Variants in LRRC1 observed in about 807,000 individuals in gnomAD.
The protein encoded by LRRC1 is leucine-rich repeat-containing protein 1.
Under a neutral mutation model 69.9 loss-of-function variants are expected in LRRC1, and 28 were observed. The observed-to-expected ratio is 0.40, with a 90% CI of 0.30 to 0.55. The LOEUF (loss-of-function observed/expected upper bound fraction) is 0.55, where lower values mean the gene tolerates loss of function less well. LRRC1 is among the 20% of genes least tolerant of loss of function. The pLI is 0.47. For synonymous variants in LRRC1, 236 were observed against 240.2 expected (o/e 0.98, Z 0.16); for missense variants, 498 against 609.0 (o/e 0.82, Z 1.92).
intron 1 of LRRC1, among the ~76,000 whole-genome samples, chr6:53,810,607 G>A (rs1286955959): frequency 6.6e-6 from 1 of 151,544 alleles, no homozygotes. Context: ...GCGACAGAGC[G>A]AGACTCCGTC....
intron 10 of LRRC1, chr6:53,905,309 G>A (rs1416429011): frequency 6.8e-6 from 1 of 146,712 alleles, no homozygotes; most frequent in Non-Finnish European, 1.5e-5. Flanking sequence ...ACTCCAGCCC[G>A]GGTGACAGAG....
intron 2 of LRRC1, among the ~76,000 whole-genome samples, chr6:53,878,751 A>G (rs1391091584): frequency 2.0e-5 from 3 of 152,234 alleles, no homozygotes; most frequent in South Asian, 2.1e-4. Flanking sequence ...ACTTACTCCT[A>G]TAGCTATAAT....
chr6:53,815,954 C>A (rs1211189557), intron 1 of LRRC1, among the ~76,000 whole-genome samples: 1 of 152,184 alleles, frequency 6.6e-6, no homozygotes, highest in Non-Finnish European at 1.5e-5. Context: ...GTAGGTTTAA[C>A]GAGTACCCAA....
rs543904287 is a variant in LRRC1, at chr6:53,842,584, G to A, written c.277+357G>A. On this transcript the variant is annotated intron_variant, in intron 2 of 13. Coordinates refer to ENST00000370888, the MANE Select transcript of LRRC1 (RefSeq NM_018214.5). Reference sequence around the variant, plus strand: ...TCTGATTCCTAGAGTTAGAGAGTGGGCTGGGCAATCATTTAACCTTGTCCA... The same window carrying A: ...TCTGATTCCTAGAGTTAGAGAGTGGACTGGGCAATCATTTAACCTTGTCCA... 2.6e-4 allele frequency among the ~76,000 whole-genome samples: 39 copies of A among 152,290 alleles called. 1 individual carries two copies. The highest frequency in any genetic ancestry group is 9.1e-4 in the African/African-American group (38 of 41,550).
chr6:53,817,016 T>C (rs978328042), intron 1 of LRRC1, among the ~76,000 whole-genome samples: 2 of 152,238 alleles, frequency 1.3e-5, no homozygotes, highest in Admixed American at 1.3e-4. Flanking sequence ...ATGATATTGA[T>C]GCCCTTTTAA....
chr6:53,846,596 T>A (rs1401563098), intron 2 of LRRC1, among the ~76,000 whole-genome samples: 3 of 152,176 alleles, frequency 2.0e-5, no homozygotes, highest in Admixed American at 6.5e-5. Context: ...TTTGTTTTTT[T>A]AAAACAGGCA....
intron 1 of LRRC1, 62 bp downstream of exon 1, chr6:53,795,477 C>T (rs1764267730): frequency 1.3e-6 from 2 of 1,495,764 alleles, no homozygotes; most frequent in Admixed American, 2.1e-5. Flanking sequence ...CCGCTCCCAT[C>T]CTCTCTCGTC....
intron 12 of LRRC1, among the ~76,000 whole-genome samples, chr6:53,920,011 A>G (rs969925463): frequency 1.2e-4 from 18 of 152,256 alleles, no homozygotes; most frequent in African/African-American, 4.3e-4. Context: ...CACCACTGGC[A>G]TACTGTTTTT....
At chr6:53,808,980 T>C (rs560015732) in intron 1 of LRRC1, among the ~76,000 whole-genome samples, 4 of 152,352 alleles carry the variant, frequency 2.6e-5, no homozygotes, top group African/African-American at 9.6e-5. Flanking sequence ...TCTTTGGTGC[T>C]GGATTTCCTA....
At chr6:53,852,976 A>G (rs1180522713) in intron 2 of LRRC1, among the ~76,000 whole-genome samples, 1 of 152,212 alleles carries the variant, frequency 6.6e-6, no homozygotes, top group Non-Finnish European at 1.5e-5. Flanking sequence ...AGGTGCTGGC[A>G]GATTCAGCGT....
In LRRC1 at chr6:53,900,020, G is replaced by GTT. The variant is rs869246243; in HGVS notation, c.787+161_787+162dup. 553 of 190,336 alleles carry GTT rather than the reference G, an allele frequency of 2.9e-3. 18 individuals are homozygous for GTT. Among genetic ancestry groups the GTT allele is most frequent in the Non-Finnish European group, 3.4e-3 (374 of 109,728 alleles). 11.8% of individuals were successfully genotyped at this position (190,336 alleles called of 1,614,324 possible). A position where few individuals can be genotyped will look rare whatever the true frequency, so the allele number is the denominator to read the frequency against. On this transcript the variant is annotated intron_variant, in intron 8 of 13. Coordinates refer to ENST00000370888, the MANE Select transcript of LRRC1 (RefSeq NM_018214.5). ...TGTGGCTCCTTAAAGTCTCCTTACT[G>GTT]TTTTTTTTTTTTTTTTTTTTTTTTT...
At chr6:53,810,536 C>T (rs1373597032) in intron 1 of LRRC1, among the ~76,000 whole-genome samples, 1 of 151,998 alleles carries the variant, frequency 6.6e-6, no homozygotes, top group Non-Finnish European at 1.5e-5. Flanking sequence ...AGGAGAATGG[C>T]TTAAACCCAG....
chr6:53,841,810 T>C (rs1765798695), intron 1 of LRRC1, among the ~76,000 whole-genome samples: 1 of 152,218 alleles, frequency 6.6e-6, no homozygotes. Flanking sequence ...TATTTCTGTC[T>C]ACTGGATAGC....
At chr6:53,890,583 C>T (rs1241068151) in intron 4 of LRRC1, among the ~76,000 whole-genome samples, 2 of 152,108 alleles carry the variant, frequency 1.3e-5, no homozygotes, top group Non-Finnish European at 2.9e-5. Context: ...TTTTTGAAAA[C>T]TATTACCATA....
intron 1 of LRRC1, among the ~76,000 whole-genome samples, chr6:53,830,563 T>C (rs1765397791): frequency 1.3e-5 from 2 of 152,214 alleles, no homozygotes; most frequent in Non-Finnish European, 2.9e-5. Flanking sequence ...TGTGAGTTGC[T>C]AGGGAATATA....
intron 2 of LRRC1, among the ~76,000 whole-genome samples, chr6:53,861,091 G>T (rs564766704): frequency 1.6e-4 from 24 of 152,122 alleles, no homozygotes; most frequent in African/African-American, 5.8e-4. Context: ...TTATTATGCT[G>T]ATTACCTGGT....
intron 2 of LRRC1, among the ~76,000 whole-genome samples, chr6:53,877,959 A>G (rs1229326158): frequency 2.0e-5 from 3 of 152,176 alleles, no homozygotes; most frequent in Non-Finnish European, 4.4e-5. Context: ...CATGCTGCTG[A>G]TAAAGACATA....
At chr6:53,893,221 T>C (rs1767759894) in intron 4 of LRRC1, among the ~76,000 whole-genome samples, 1 of 152,174 alleles carries the variant, frequency 6.6e-6, no homozygotes, top group South Asian at 2.1e-4. Context: ...AAATGTATTA[T>C]GCTCTAATTG....
intron 2 of LRRC1, among the ~76,000 whole-genome samples, chr6:53,871,821 C>T (rs1288125138): frequency 1.3e-5 from 2 of 152,154 alleles, no homozygotes; most frequent in Non-Finnish European, 2.9e-5. Flanking sequence ...GCAAGTGCCA[C>T]CATGCCCAGC....
Sources: allele counts gnomAD v4.1 joint callset (sites outside exome capture counted in the v4.1 genomes callset), GRCh38; gene constraint gnomAD v4.1.1; transcripts MANE v1.5; gene names NCBI Gene and HGNC (gene_info 2026-07-23, HGNC 2026-07-21).